SYNPR: variants seen among roughly 807,000 people sequenced by gnomAD.
SYNPR encodes the protein synaptoporin.
Under a neutral mutation model 32.9 loss-of-function variants are expected in SYNPR, and 23 were observed. The observed-to-expected ratio is 0.70, with a 90% CI of 0.50 to 0.99. The LOEUF is 0.99. SYNPR is among the 50% of genes least tolerant of loss of function. The pLI, the probability that SYNPR is intolerant of heterozygous loss-of-function variation, is 0.00. For missense variants in SYNPR, 318 were observed against 349.3 expected (o/e 0.91, Z 0.71); for synonymous variants, 146 against 135.9 (o/e 1.07, Z -0.52).
chr3:63,260,228 T>C (rs929095223), intron 2 of SYNPR, among the ~76,000 whole-genome samples: 1 of 152,112 alleles, frequency 6.6e-6, no homozygotes, highest in South Asian at 2.1e-4. Flanking sequence ...TACTTTGAAG[T>C]TCATATGGAA....
intron 2 of SYNPR, among the ~76,000 whole-genome samples, chr3:63,429,240 A>G (rs890482969): frequency 6.6e-6 from 1 of 152,248 alleles, no homozygotes; most frequent in African/African-American, 2.4e-5. Flanking sequence ...TGCTGAAAGG[A>G]TTGTATCAAT....
At chr3:63,534,854 C>T (rs1295694311) in intron 3 of SYNPR, among the ~76,000 whole-genome samples, 3 of 152,138 alleles carry the variant, frequency 2.0e-5, no homozygotes, top group Non-Finnish European at 4.4e-5. Context: ...TGAGAACTCA[C>T]TCATCCCCTC....
At chr3:63,338,815 G>T (rs535068116) in intron 2 of SYNPR, among the ~76,000 whole-genome samples, 1 of 152,214 alleles carries the variant, frequency 6.6e-6, no homozygotes, top group African/African-American at 2.4e-5. Flanking sequence ...GCAGGGACAT[G>T]TTCAGAATCC....
intron 3 of SYNPR, among the ~76,000 whole-genome samples, chr3:63,523,504 C>T (rs2106776642): frequency 6.6e-6 from 1 of 152,268 alleles, no homozygotes; most frequent in South Asian, 2.1e-4. Flanking sequence ...ATTATTCTCT[C>T]CCTTTGCCCC....
chr3:63,299,619 T>A (rs1397048461), intron 2 of SYNPR, among the ~76,000 whole-genome samples: 1 of 152,124 alleles, frequency 6.6e-6, no homozygotes, highest in Non-Finnish European at 1.5e-5. Flanking sequence ...CAGAAAAACA[T>A]AGCTCACAGA....
At chr3:63,593,991 A>T in intron 4 of SYNPR, among the ~76,000 whole-genome samples, 1 of 152,162 alleles carries the variant, frequency 6.6e-6, no homozygotes, top group Non-Finnish European at 1.5e-5. Context: ...ACAACAATGG[A>T]CAAACAAAAA....
rs572985876 is a variant in SYNPR, at chr3:63,603,033, G to T, written c.409-6092G>T. 2.6e-5 allele frequency among the ~76,000 whole-genome samples: 4 copies of T among 152,102 alleles called. No individual in the cohort carries two copies. In the South Asian group the frequency reaches 8.3e-4, roughly 32 times the overall value. ...CTCTGATTTATTTCAGCAGTGTTTT[G>T]TAATTCTCATTGTAGAGATTTTTCA... On this transcript the variant is annotated intron_variant, in intron 4 of 5. Coordinates refer to ENST00000478300, the MANE Select transcript of SYNPR (RefSeq NM_001130003.2).
chr3:63,218,997 T>C, the SYNPR span, among the ~76,000 whole-genome samples: 1 of 152,228 alleles, frequency 6.6e-6, no homozygotes, highest in Non-Finnish European at 1.5e-5. Flanking sequence ...ACAGCAGTTC[T>C]TGCTTAGAGT....
intron 3 of SYNPR, among the ~76,000 whole-genome samples, chr3:63,509,400 A>G (rs1701653572): frequency 6.6e-6 from 1 of 151,674 alleles, no homozygotes; most frequent in South Asian, 2.1e-4. Flanking sequence ...CCTGAAAAAC[A>G]TCTCATATCT....
At chr3:63,211,906 G>T in the SYNPR span, among the ~76,000 whole-genome samples, 2 of 103,198 alleles carry the variant, frequency 1.9e-5, no homozygotes, top group Non-Finnish European at 3.9e-5. Flanking sequence ...TCCCCTTCCT[G>T]TGTCCATGTG....
At chr3:63,558,216 A>G (rs1322275544) in intron 4 of SYNPR, among the ~76,000 whole-genome samples, 1 of 152,214 alleles carries the variant, frequency 6.6e-6, no homozygotes, top group Non-Finnish European at 1.5e-5. Context: ...CCTGTAGACT[A>G]TGTGCTAAAT....
rs181037431 is a variant in SYNPR at position 63,452,591 on chromosome 3, C to T, written c.85-28241C>T. Among the ~76,000 whole-genome samples the T allele has an allele frequency of 2.6e-5, 4 of 152,186 alleles. No homozygotes were observed. The East Asian group carries it at 7.8e-4, about 29-fold the overall frequency. On this transcript the variant is annotated intron_variant, in intron 2 of 5. Transcript: ENST00000478300. The stretch of plus-strand genomic sequence containing the variant: ...CATTTATGTAGCACTTTCTGTTTAC[C>T]AGGCACCATGCTCTATACCTCATAC...
chr3:63,448,029 A>C (rs1157944321), intron 2 of SYNPR, among the ~76,000 whole-genome samples: 1 of 137,176 alleles, frequency 7.3e-6, no homozygotes, highest in African/African-American at 2.6e-5. Context: ...TTTGAGATGG[A>C]GTCTCATTCT....
chr3:63,600,362 T>TC (rs1189228636), intron 4 of SYNPR, among the ~76,000 whole-genome samples: 1 of 152,196 alleles, frequency 6.6e-6, no homozygotes, highest in Non-Finnish European at 1.5e-5. Context: ...ATCAATGGGC[T>TC]CCCTGCCCTC....
At chr3:63,339,395 G>A (rs556698450) in intron 2 of SYNPR, among the ~76,000 whole-genome samples, 1 of 152,246 alleles carries the variant, frequency 6.6e-6, no homozygotes, top group Admixed American at 6.5e-5. Flanking sequence ...ATAAGCAGTT[G>A]TAAGAAATAA....
upstream of SYNPR, among the ~76,000 whole-genome samples, chr3:63,225,781 G>A (rs1399241839): frequency 6.6e-6 from 1 of 152,048 alleles, no homozygotes; most frequent in Admixed American, 6.6e-5. Flanking sequence ...AAGCATAGAC[G>A]ATTAAAGCAC....
chr3:63,559,377 C>G lies in SYNPR; in HGVS notation c.408+2636C>G, dbSNP rs374257107. 3.4e-4 allele frequency among the ~76,000 whole-genome samples: 51 copies of G among 152,196 alleles called. 2 individuals are homozygous for G. Among genetic ancestry groups the G allele is most frequent in the African/African-American group, 1.2e-3 (51 of 41,522 alleles). On this transcript the variant is annotated intron_variant, in intron 4 of 5. Transcript: ENST00000478300. ...ACAGGCGTGAGCCACCATGCCCAGC[C>G]TAATACATTTAATATGCCAGAAATT...
chr3:63,390,602 G>A (rs933106629), intron 2 of SYNPR, among the ~76,000 whole-genome samples: 6 of 152,210 alleles, frequency 3.9e-5, no homozygotes, highest in Non-Finnish European at 7.3e-5. Flanking sequence ...TATGCATCCT[G>A]TTGTGTGAAC....
chr3:63,593,851 G>A (rs1699882249), intron 4 of SYNPR, among the ~76,000 whole-genome samples: 1 of 152,070 alleles, frequency 6.6e-6, no homozygotes, highest in Admixed American at 6.6e-5. Context: ...CAGAGTATAG[G>A]CCACTGGAGG....
Sources: allele counts gnomAD v4.1 joint callset (sites outside exome capture counted in the v4.1 genomes callset), GRCh38; gene constraint gnomAD v4.1.1; transcripts MANE v1.5; gene names NCBI Gene and HGNC (gene_info 2026-07-23, HGNC 2026-07-21).